Variants in HNF4G observed in about 807,000 individuals in gnomAD.
HNF4G encodes hepatocyte nuclear factor 4-gamma.
In HNF4G, 21 loss-of-function variants were observed where a neutral mutation model predicts 50.9. The observed-to-expected ratio is 0.41, with a 90% CI of 0.29 to 0.59. The LOEUF is 0.59. HNF4G is among the 20% of genes least tolerant of loss of function. The pLI, the probability that HNF4G is intolerant of heterozygous loss-of-function variation, is 0.26. For missense variants in HNF4G, 527 were observed against 559.4 expected, an observed-to-expected ratio of 0.94 and a Z score of 0.58; for synonymous variants, 198 against 185.6, an observed-to-expected ratio of 1.07 and a Z score of -0.54.
intron 1 of HNF4G, among the ~76,000 whole-genome samples, chr8:75,436,351 G>T (rs1341243792): frequency 6.6e-6 from 1 of 152,060 alleles, no homozygotes; most frequent in Non-Finnish European, 1.5e-5. Context: ...TGAAAAAGTG[G>T]GACAAGGAAA....
At chr8:75,448,815 A>G (rs984256294) in intron 1 of HNF4G, among the ~76,000 whole-genome samples, 1 of 152,158 alleles carries the variant, frequency 6.6e-6, no homozygotes, top group African/African-American at 2.4e-5. Flanking sequence ...TGAAAGTTAA[A>G]CATTTAAAAA....
rs78973248 is a variant in HNF4G, at chr8:75,506,901, G to T, written c.-24+16693G>T. ...ATCAGCAAAAGCTTTTTATGCAGTGGCTGAAAGACGAGATAGGTCTTTATG... is the reference window on the plus strand; with the variant it reads ...ATCAGCAAAAGCTTTTTATGCAGTGTCTGAAAGACGAGATAGGTCTTTATG... On this transcript the variant is annotated intron_variant, in intron 2 of 10. Coordinates refer to the HNF4G transcript ENST00000354370. Among the ~76,000 whole-genome samples the T allele has an allele frequency of 7.7e-3, 1,167 of 152,228 alleles. 49 individuals are homozygous for T. In the East Asian group the frequency reaches 0.14, roughly 18 times the overall value.
intron 1 of HNF4G, among the ~76,000 whole-genome samples, chr8:75,452,685 C>T (rs967093795): frequency 6.6e-6 from 1 of 151,566 alleles, no homozygotes; most frequent in African/African-American, 2.4e-5. Flanking sequence ...TGCCACTGCA[C>T]TCCAGCCTGG....
intron 1 of HNF4G, among the ~76,000 whole-genome samples, chr8:75,409,509 G>A (rs1433395853): frequency 9.9e-6 from 1 of 100,846 alleles, no homozygotes; most frequent in African/African-American, 4.2e-5. Context: ...TTTTTTCCGA[G>A]ATGAAGTCTT....
intron 2 of HNF4G, among the ~76,000 whole-genome samples, chr8:75,529,173 C>A (rs1277306009): frequency 6.6e-6 from 1 of 152,072 alleles, no homozygotes; most frequent in Non-Finnish European, 1.5e-5. Context: ...CGCCTGTAGT[C>A]CCAGCTACTC....
intron 2 of HNF4G, among the ~76,000 whole-genome samples, chr8:75,545,125 A>C (rs540054970): frequency 3.3e-5 from 5 of 152,162 alleles, no homozygotes; most frequent in Non-Finnish European, 7.4e-5. Context: ...AGGTAGATCA[A>C]TGTCCTTCAT....
At chr8:75,537,846 C>A (rs2130778521), upstream of HNF4G, among the ~76,000 whole-genome samples, 1 of 152,110 alleles carries the variant, frequency 6.6e-6, no homozygotes, top group East Asian at 1.9e-4. Context: ...ATCCATATCC[C>A]CCTATGTAAA....
chr8:75,411,021 T>G (rs1480976824), intron 1 of HNF4G, among the ~76,000 whole-genome samples: 1 of 152,226 alleles, frequency 6.6e-6, no homozygotes, highest in Non-Finnish European at 1.5e-5. Flanking sequence ...TTTAGATTCT[T>G]ATAACAATCC....
intron 1 of HNF4G, among the ~76,000 whole-genome samples, chr8:75,420,478 T>G (rs1306595307): frequency 6.6e-6 from 1 of 152,254 alleles, no homozygotes; most frequent in African/African-American, 2.4e-5. Context: ...CTTGCAACTC[T>G]CTTTGACCCC....
At chr8:75,563,304 CTG>C (rs988228034) in intron 9 of HNF4G, among the ~76,000 whole-genome samples, 2 of 152,062 alleles carry the variant, frequency 1.3e-5, no homozygotes, top group African/African-American at 4.8e-5. Context: ...AGTTTTGAAA[CTG>C]TAACTTTTTA....
intron 1 of HNF4G, among the ~76,000 whole-genome samples, chr8:75,450,760 A>G (rs1457630281): frequency 6.6e-6 from 1 of 152,184 alleles, no homozygotes; most frequent in Non-Finnish European, 1.5e-5. Flanking sequence ...ACAAGTGTTG[A>G]GAAATGGGAA....
chr8:75,478,282 C>G (rs1209876266), intron 1 of HNF4G, among the ~76,000 whole-genome samples: 15 of 152,110 alleles, frequency 9.9e-5, no homozygotes, highest in Admixed American at 9.8e-4. Context: ...CCACTGCACT[C>G]CAGCCTGAGT....
upstream of HNF4G, among the ~76,000 whole-genome samples, chr8:75,539,293 G>C (rs1168230949): frequency 6.6e-6 from 1 of 152,104 alleles, no homozygotes; most frequent in East Asian, 1.9e-4. Flanking sequence ...AGCATAGCTG[G>C]GACACAGGCC....
chr8:75,419,325 T>C (rs1174341382), intron 1 of HNF4G, among the ~76,000 whole-genome samples: 1 of 152,220 alleles, frequency 6.6e-6, no homozygotes, highest in Admixed American at 6.5e-5. Flanking sequence ...CAGGCATTTA[T>C]GTATCACCTT....
chr8:75,431,434 G>T lies in HNF4G; in HGVS notation c.-144+23272G>T, dbSNP rs144564036. On this transcript the variant is annotated intron_variant, in intron 1 of 10. Coordinates refer to the HNF4G transcript ENST00000354370. ...AGTGAAATCGCTGAACATTGATCGA[G>T]ATTTTAAAAAGCAGAAAAAGATAAT... 2.6e-4 allele frequency among the ~76,000 whole-genome samples: 40 copies of T among 152,206 alleles called. No individual in the cohort carries two copies. The East Asian group carries it at 7.5e-3, about 29-fold the overall frequency.
intron 1 of HNF4G, among the ~76,000 whole-genome samples, chr8:75,425,062 CTATTTATTTATTTATT>C (rs71271860): frequency 1.4e-5 from 2 of 142,580 alleles, no homozygotes; most frequent in East Asian, 2.1e-4. Context: ...TCAATGCAGC[CTATTTATTTATTTATT>C]TATTTATTTA....
At chr8:75,558,075 A>G (rs1807183959) in intron 6 of HNF4G, among the ~76,000 whole-genome samples, 6 of 152,220 alleles carry the variant, frequency 3.9e-5, no homozygotes, top group Admixed American at 3.9e-4. Context: ...GGTGTGTTAA[A>G]ACTGTCTCAA....
intron 2 of HNF4G, among the ~76,000 whole-genome samples, chr8:75,525,622 C>A (rs924005271): frequency 1.2e-4 from 18 of 152,136 alleles, no homozygotes; most frequent in African/African-American, 4.1e-4. Flanking sequence ...TTTTATTAAC[C>A]TCATAGTGAT....
intron 1 of HNF4G, among the ~76,000 whole-genome samples, chr8:75,408,463 G>T (rs1810416995): frequency 6.6e-6 from 1 of 152,108 alleles, no homozygotes; most frequent in Non-Finnish European, 1.5e-5. Flanking sequence ...CCCCATGCAT[G>T]GCCTTTGCTC....
Sources: gnomAD v4.1 joint callset for allele counts (sites outside exome capture counted in the v4.1 genomes callset) on GRCh38, gnomAD v4.1.1 for gene constraint, MANE v1.5 for transcripts, NCBI Gene and HGNC (gene_info 2026-07-23, HGNC 2026-07-21) for gene names.